ZNRF2: variants seen among roughly 807,000 people sequenced by gnomAD.
ZNRF2 encodes the protein zinc and ring finger 2.
ZNRF2 carries 16 observed loss-of-function variants against 20.4 expected under a neutral mutation model. That is an observed-to-expected ratio of 0.79 (90% CI 0.53 to 1.19). The LOEUF is 1.19. Ranked by LOEUF, ZNRF2 falls within the 50% of genes most tolerant of loss-of-function variation. The pLI is 0.00. For synonymous variants in ZNRF2, 178 were observed against 144.9 expected (o/e 1.23, Z -1.64); for missense variants, 363 against 332.4 (o/e 1.09, Z -0.72).
At chr7:30,309,920 T>G (rs986951110) in intron 1 of ZNRF2, among the ~76,000 whole-genome samples, 2 of 152,172 alleles carry the variant, frequency 1.3e-5, no homozygotes, top group African/African-American at 4.8e-5. Context: ...GCTTTGTATA[T>G]GAATAAAAAG....
Position 30,366,653 on chromosome 7 carries a change from T to C in ZNRF2, c.*641T>C, listed in dbSNP as rs1800220080. On this transcript the variant is annotated 3_prime_UTR_variant, in exon 5 of 5. Transcript: ENST00000323037. ...ACATAGGAAAGCTAAAATATGTTAA[T>C]ATTTTTAAATTAAAGGTTTAATATC... 6.6e-6 allele frequency: 1 copy of C among 152,564 alleles called. No individual in the cohort carries two copies. The highest frequency in any genetic ancestry group is 1.5e-5 in the Non-Finnish European group (1 of 67,994). 9.5% of individuals were successfully genotyped at this position (152,564 alleles called of 1,614,324 possible). A position where few individuals can be genotyped will look rare whatever the true frequency, so the allele number is the denominator to read the frequency against.
intron 1 of ZNRF2, among the ~76,000 whole-genome samples, chr7:30,288,330 A>T (rs1798834128): frequency 6.6e-6 from 1 of 152,222 alleles, no homozygotes; most frequent in South Asian, 2.1e-4. Context: ...TGTTTTTTGT[A>T]AAACTGTTGT....
chr7:30,359,989 G>A (rs1800101615), intron 3 of ZNRF2, among the ~76,000 whole-genome samples: 1 of 152,128 alleles, frequency 6.6e-6, no homozygotes. Flanking sequence ...TCAGAAAAAA[G>A]GACCCTCAAT....
intron 2 of ZNRF2, among the ~76,000 whole-genome samples, chr7:30,334,152 T>A: frequency 6.6e-6 from 1 of 152,186 alleles, no homozygotes; most frequent in East Asian, 1.9e-4. Context: ...CTTTAGTTCA[T>A]CTTGCGTGAA....
intron 2 of ZNRF2, among the ~76,000 whole-genome samples, chr7:30,337,532 G>A (rs1454879155): frequency 6.6e-6 from 1 of 152,050 alleles, no homozygotes; most frequent in African/African-American, 2.4e-5. Context: ...CCTGAGATTT[G>A]GGAAACTAGA....
At chr7:30,337,876 A>G (rs1406119420) in intron 2 of ZNRF2, among the ~76,000 whole-genome samples, 1 of 152,140 alleles carries the variant, frequency 6.6e-6, no homozygotes, top group African/African-American at 2.4e-5. Context: ...TCTCACCTGA[A>G]TCACCTTAAC....
At chr7:30,335,229 G>A (rs1799698844) in intron 2 of ZNRF2, among the ~76,000 whole-genome samples, 1 of 151,940 alleles carries the variant, frequency 6.6e-6, no homozygotes, top group Non-Finnish European at 1.5e-5. Context: ...GAGGGTTCTC[G>A]TTTTCCTTCT....
intron 2 of ZNRF2, among the ~76,000 whole-genome samples, chr7:30,332,944 A>G (rs940545411): frequency 6.6e-6 from 1 of 152,064 alleles, no homozygotes; most frequent in African/African-American, 2.4e-5. Context: ...TAGTTTTTTG[A>G]GAGATCTTCA....
Position 30,285,412 on chromosome 7 carries a change from T to C in ZNRF2, c.55T>C (p.Ser19Pro). The C allele has an allele frequency of 7.9e-7, 1 of 1,257,984 alleles. No homozygotes were observed. The allele number at this position is 1,257,984 out of a possible 1,614,324, so 77.9% of individuals were successfully genotyped here. A position where few individuals can be genotyped will look rare whatever the true frequency, so the allele number is the denominator to read the frequency against. The change falls in exon 1 of 5, where the codon TCG (serine) becomes CCG (proline). Residue 19 changes from serine (S) to proline (P), a missense_variant. Coordinates refer to ENST00000323037, the MANE Select transcript of ZNRF2 (RefSeq NM_147128.4). ...CGCTAACGGCCGCACGCGCGCGTAC[T>C]CGGGCTCGGATCTACCTTCCAGTAG... ...AAANGRTRAY[S>P]GSDLPSSSSG...
At chr7:30,336,200 A>G (rs1044443464) in intron 2 of ZNRF2, among the ~76,000 whole-genome samples, 2 of 152,188 alleles carry the variant, frequency 1.3e-5, no homozygotes, top group African/African-American at 4.8e-5. Flanking sequence ...TATTTTTCCA[A>G]TGACTACATA....
At chr7:30,358,098 TAACTC>T (rs945965970) in intron 3 of ZNRF2, among the ~76,000 whole-genome samples, 95 of 152,236 alleles carry the variant, frequency 6.2e-4, no homozygotes, top group African/African-American at 2.1e-3. Context: ...AAAGAAACAT[TAACTC>T]AATAAATGTG....
intron 2 of ZNRF2, among the ~76,000 whole-genome samples, chr7:30,329,871 G>T (rs74419735): frequency 2.0e-4 from 31 of 152,102 alleles, no homozygotes; most frequent in African/African-American, 7.0e-4. Context: ...CGTTTTTTGA[G>T]GAACCTCTGT....
Position 30,285,112 on chromosome 7 carries a change from A to AC in ZNRF2, c.-242dup. On this transcript the variant is annotated 5_prime_UTR_variant, in exon 1 of 5. Coordinates refer to ENST00000323037, the MANE Select transcript of ZNRF2 (RefSeq NM_147128.4). ...CCAGCGAGGGGTGCCTGCAGCCGGG[A>AC]CCCCTTCCTCTCCGCGTCTCCTCGT... 1 of 416,842 alleles carries AC rather than the reference A, an allele frequency of 2.4e-6. No individual in the cohort carries two copies. 25.8% of individuals were successfully genotyped at this position (416,842 alleles called of 1,614,324 possible).
At chr7:30,347,634 G>T (rs1799898368) in intron 2 of ZNRF2, among the ~76,000 whole-genome samples, 1 of 152,086 alleles carries the variant, frequency 6.6e-6, no homozygotes, top group Non-Finnish European at 1.5e-5. Context: ...AATCGCTTGA[G>T]CCCAGGAGGC....
At chr7:30,304,331 T>C (rs866766880) in intron 1 of ZNRF2, among the ~76,000 whole-genome samples, 40 of 152,338 alleles carry the variant, frequency 2.6e-4, no homozygotes, top group East Asian at 9.6e-4. Flanking sequence ...TTCCCTATTA[T>C]TACATTTAAT....
chr7:30,353,096 C>T (rs925652134), intron 2 of ZNRF2, among the ~76,000 whole-genome samples: 2 of 152,032 alleles, frequency 1.3e-5, no homozygotes, highest in African/African-American at 2.4e-5. Flanking sequence ...CATACAAAGA[C>T]ACATTCTAGT....
chr7:30,285,348 C>A lies in ZNRF2; in HGVS notation c.-10C>A. ...CGCAGCGCGCGGGCCCGGCCCGGGG[C>A]AGGGCGGACATGGGCGCCAAACAGA... On this transcript the variant is annotated 5_prime_UTR_variant, in exon 1 of 5. Transcript: ENST00000323037. 1 of 1,149,376 alleles carries A rather than the reference C, an allele frequency of 8.7e-7. No individual in the cohort carries two copies. Among genetic ancestry groups the A allele is most frequent in the Admixed American group, 4.7e-5 (1 of 21,082 alleles). 71.2% of individuals were successfully genotyped at this position (1,149,376 alleles called of 1,614,324 possible). A position where few individuals can be genotyped will look rare whatever the true frequency, so the allele number is the denominator to read the frequency against.
chr7:30,293,564 G>A lies in ZNRF2; in HGVS notation c.469+7738G>A, dbSNP rs542381805. 2.2e-4 allele frequency among the ~76,000 whole-genome samples: 34 copies of A among 152,228 alleles called. No homozygotes were observed. In the South Asian group the frequency reaches 5.0e-3, roughly 22 times the overall value. The stretch of plus-strand genomic sequence containing the variant: ...GGCCAGTTCTTAGAAATTTATCAGC[G>A]ACATGGGATTGCCAGAAACAAAGAT... On this transcript the variant is annotated intron_variant, in intron 1 of 4. Transcript: ENST00000323037.
At chr7:30,334,803 A>G (rs544086817) in intron 2 of ZNRF2, among the ~76,000 whole-genome samples, 54 of 152,276 alleles carry the variant, frequency 3.5e-4, no homozygotes, top group African/African-American at 9.9e-4. Context: ...TAATATTTCT[A>G]CTTTTTATAA....
Sources: allele counts gnomAD v4.1 joint callset (sites outside exome capture counted in the v4.1 genomes callset), GRCh38; gene constraint gnomAD v4.1.1; transcripts MANE v1.5; gene names NCBI Gene and HGNC (gene_info 2026-07-23, HGNC 2026-07-21).